The following PSMB11 variants were observed in gnomAD, a reference collection of about 807,000 sequenced individuals.
PSMB11 encodes the protein proteasome subunit beta 11.
For missense variants in PSMB11, 411 were observed against 408.2 expected (o/e 1.01, Z -0.06); for synonymous variants, 163 against 167.7 (o/e 0.97, Z 0.22).
At position 23,042,316 on chromosome 14, in the gene PSMB11, C is replaced by T. The variant is rs779537117; in HGVS notation, c.91C>T (p.Arg31Trp). 1.4e-5 allele frequency: 22 copies of T among 1,613,532 alleles called. No individual in the cohort carries two copies. Among genetic ancestry groups the T allele is most frequent in the African/African-American group, 5.3e-5 (4 of 74,916 alleles). Residue 31 changes from arginine to tryptophan, a missense_variant, in exon 1 of 1, where the codon CGG (arginine) becomes TGG (tryptophan). Coordinates refer to ENST00000408907, the MANE Select transcript of PSMB11 (RefSeq NM_001099780.2). ...LPRAGGWAVP[R>W]GCDPQTFLQI... ...TCGGGCTGGCGGCTGGGCTGTGCCC[C>T]GGGGTTGTGACCCTCAAACCTTCCT...
rs201918029 is a variant in PSMB11, at chr14:23,042,426, G to A, written c.201G>A (p.Thr67=). 447 of 1,613,988 alleles carry A rather than the reference G, an allele frequency of 2.8e-4. No individual in the cohort carries two copies. Among genetic ancestry groups the A allele is most frequent in the East Asian group, 1.6e-3 (72 of 44,882 alleles). The change falls in exon 1 of 1, where the codon ACG becomes ACA. Residue 67 remains threonine (T), a synonymous_variant. Transcript: ENST00000408907. The stretch of plus-strand genomic sequence containing the variant: ...ATGGAGTCATTGCTGCAGCTGACAC[G>A]CGTTCCTCCTGTGGCAGCTATGTGG... ...FRHGVIAAAD[T]RSSCGSYVAC... is the part of the protein sequence containing the mutation.
Position 23,042,776 on chromosome 14 carries a change from C to T in PSMB11, c.551C>T (p.Ala184Val). 1.2e-6 allele frequency: 2 copies of T among 1,613,062 alleles called. No individual in the cohort carries two copies. The highest frequency in any genetic ancestry group is 1.7e-6 in the Non-Finnish European group (2 of 1,179,992). ...TCTGTGGGCTCTGGATCTCCCTATG[C>T]CTACGGCGTGCTAGACCGTGGCTAT... ...IFSVGSGSPY[A>V]YGVLDRGYRY... The change falls in exon 1 of 1, where the codon GCC becomes GTC. Residue 184 changes from alanine (A) to valine (V), a missense_variant. Coordinates refer to ENST00000408907, the MANE Select transcript of PSMB11 (RefSeq NM_001099780.2).
Position 23,042,484 on chromosome 14 carries a change from C to G in PSMB11, c.259C>G (p.His87Asp). The change falls in exon 1 of 1, where the codon CAC becomes GAC. Residue 87 changes from histidine (H) to aspartate (D), a missense_variant. Physicochemically the swap from His to Asp is moderately conservative, Grantham distance 81. Coordinates refer to ENST00000408907, the MANE Select transcript of PSMB11 (RefSeq NM_001099780.2). ...AGCCTCATGCAAGGTCATCCCTGTG[C>G]ACCAGCACCTCCTGGGTACCACCTC... ...CPASCKVIPV[H>D]QHLLGTTSGT... 6.2e-7 allele frequency: 1 copy of G among 1,614,214 alleles called. No individual in the cohort carries two copies.
chr14:23,042,267 C>A lies in PSMB11; in HGVS notation c.42C>A (p.Thr14=). 6.2e-7 allele frequency: 1 copy of A among 1,605,796 alleles called. No homozygotes were observed. Among genetic ancestry groups the A allele is most frequent in the Non-Finnish European group, 8.5e-7 (1 of 1,175,776 alleles). ...TGTGCAAGTGGCAGTCCCCTGACAC[C>A]CAGGGACCATCACCTCACCTGCCTC... The part of the protein sequence containing the change: ...QDVCKWQSPD[T]QGPSPHLPRA... Residue 14 remains threonine (T), a synonymous_variant, in exon 1 of 1, where the codon ACC becomes ACA. Transcript: ENST00000408907.
In PSMB11 at chr14:23,043,164, G is replaced by A; in HGVS notation, c.*36G>A. On this transcript the variant is annotated 3_prime_UTR_variant, in exon 1 of 1. Coordinates refer to ENST00000408907, the MANE Select transcript of PSMB11 (RefSeq NM_001099780.2). ...TTGGTTGGGGATGGTGTAGGCCTGG[G>A]GAGTGGGTGGGAGGATGGGCAGCAG... is the stretch of plus-strand genomic sequence containing the variant. 6.8e-7 allele frequency: 1 copy of A among 1,471,362 alleles called. No homozygotes were observed. Among genetic ancestry groups the A allele is most frequent in the Non-Finnish European group, 9.2e-7 (1 of 1,081,960 alleles). The allele number at this position is 1,471,362 out of a possible 1,614,324, so 91.1% of individuals were successfully genotyped here.
At position 23,043,064 on chromosome 14, in the gene PSMB11, CTG is replaced by C. The variant is rs775803199; in HGVS notation, c.842_843del (p.Val281GlyfsTer17). On this transcript the variant is annotated frameshift_variant, in exon 1 of 1. Transcript: ENST00000408907. LOFTEE classifies it high-confidence loss of function. ...AGAGCTGCAGAAGATAGAGAGCTCT[CTG>C]TGGGGCCAGGGGAGGTGACACCAGG... is the stretch of plus-strand genomic sequence containing the variant. The C allele has an allele frequency of 3.1e-6, 5 of 1,613,678 alleles. No homozygotes were observed. In the South Asian group the frequency reaches 5.5e-5, roughly 18 times the overall value.
chr14:23,043,013 C>G lies in PSMB11; in HGVS notation c.788C>G (p.Ala263Gly). Residue 263 changes from alanine to glycine, a missense_variant, in exon 1 of 1, where the codon GCC (alanine) becomes GGC (glycine). Transcript: ENST00000408907. Reference protein sequence around the residue: ...EPEPEEDASHAHPEPATAHRA... With the variant: ...EPEPEEDASHGHPEPATAHRA... ...GAGCCAGAGGAGGATGCCAGCCATG[C>G]CCATCCTGAGCCTGCCACTGCCCAC... The G allele has an allele frequency of 6.2e-7, 1 of 1,613,904 alleles. No homozygotes were observed. The highest frequency in any genetic ancestry group is 8.5e-7 in the Non-Finnish European group (1 of 1,179,952).
In PSMB11 at chr14:23,042,365, C is replaced by T. The variant is rs1286821481; in HGVS notation, c.140C>T (p.Ala47Val). The T allele has an allele frequency of 4.3e-6, 7 of 1,613,612 alleles. No individual in the cohort carries two copies. Among genetic ancestry groups the T allele is most frequent in the South Asian group, 1.1e-5 (1 of 91,090 alleles). The change falls in exon 1 of 1, where the codon GCC becomes GTC. Residue 47 changes from alanine (A) to valine (V), a missense_variant. Coordinates refer to ENST00000408907, the MANE Select transcript of PSMB11 (RefSeq NM_001099780.2). ...CTGCAGATCCATGGCCCCAGACTGG[C>T]CCACGGCACCACCACTCTGGCCTTC... ...TFLQIHGPRL[A>V]HGTTTLAFRF...
rs757276150 is a variant in PSMB11 at position 23,042,368 on chromosome 14, A to T, written c.143A>T (p.His48Leu). ...FLQIHGPRLA[H>L]GTTTLAFRFR... ...CAGATCCATGGCCCCAGACTGGCCCACGGCACCACCACTCTGGCCTTCCGC... is the reference window on the plus strand; with the variant it reads ...CAGATCCATGGCCCCAGACTGGCCCTCGGCACCACCACTCTGGCCTTCCGC... The change falls in exon 1 of 1, where the codon CAC (histidine) becomes CTC (leucine). Residue 48 changes from histidine to leucine, a missense_variant. Coordinates refer to ENST00000408907, the MANE Select transcript of PSMB11 (RefSeq NM_001099780.2). 1 of 1,613,676 alleles carries T rather than the reference A, an allele frequency of 6.2e-7. No homozygotes were observed. The highest frequency in any genetic ancestry group is 1.1e-5 in the South Asian group (1 of 91,080).
rs754030636 is a variant in PSMB11, at chr14:23,042,826, G to C, written c.601G>C (p.Ala201Pro). Residue 201 changes from alanine (A) to proline (P), a missense_variant, in exon 1 of 1, where the codon GCC (alanine) becomes CCC (proline). Physicochemically the swap from Ala to Pro is conservative, Grantham distance 27. Coordinates refer to ENST00000408907, the MANE Select transcript of PSMB11 (RefSeq NM_001099780.2). ...TCGCTACGACATGAGCACCCAGGAA[G>C]CCTACGCCCTGGCTCGCTGCGCCGT... Reference protein sequence around the residue: ...GYRYDMSTQEAYALARCAVAH... With the variant: ...GYRYDMSTQEPYALARCAVAH... 1.2e-6 allele frequency: 2 copies of C among 1,613,160 alleles called. No individual in the cohort carries two copies. The highest frequency in any genetic ancestry group is 1.7e-6 in the Non-Finnish European group (2 of 1,180,024).
rs772218126 is a variant in PSMB11, at chr14:23,042,500, G to T, written c.275G>T (p.Gly92Val). 6.2e-7 allele frequency: 1 copy of T among 1,614,208 alleles called. No individual in the cohort carries two copies. The highest frequency in any genetic ancestry group is 8.5e-7 in the Non-Finnish European group (1 of 1,180,036). Residue 92 changes from glycine to valine, a missense_variant, in exon 1 of 1, where the codon GGT (glycine) becomes GTT (valine). Gly to Val is a moderately radical substitution (Grantham distance 109, BLOSUM62 -3). Transcript: ENST00000408907. ...KVIPVHQHLL[G>V]TTSGTSADCA... ...ATCCCTGTGCACCAGCACCTCCTGGGTACCACCTCTGGCACCTCTGCCGAC... is the reference window on the plus strand; with the variant it reads ...ATCCCTGTGCACCAGCACCTCCTGGTTACCACCTCTGGCACCTCTGCCGAC...
In PSMB11 at chr14:23,043,299, T is replaced by C; in HGVS notation, c.*171T>C. On this transcript the variant is annotated 3_prime_UTR_variant, in exon 1 of 1. Transcript: ENST00000408907. ...CCTTTCATGACTCCCAGAGCTATTA[T>C]GGCTCTGCCCAACAAGTTCCTATTG... 2 of 589,516 alleles carry C rather than the reference T, an allele frequency of 3.4e-6. No homozygotes were observed. The highest frequency in any genetic ancestry group is 6.1e-6 in the Non-Finnish European group (2 of 325,954). The allele number at this position is 589,516 out of a possible 1,614,324, so 36.5% of individuals were successfully genotyped here. A position where few individuals can be genotyped will look rare whatever the true frequency, so the allele number is the denominator to read the frequency against.
chr14:23,042,761 C>T lies in PSMB11; in HGVS notation c.536C>T (p.Ser179Phe). The change falls in exon 1 of 1, where the codon TCT (serine) becomes TTT (phenylalanine). Residue 179 changes from serine (S) to phenylalanine (F), a missense_variant. Coordinates refer to ENST00000408907, the MANE Select transcript of PSMB11 (RefSeq NM_001099780.2). ...RLQGDIFSVGSGSPYAYGVLD... is the reference protein window; with the variant it reads ...RLQGDIFSVGFGSPYAYGVLD... Reference sequence around the variant, plus strand: ...CAGGGGGACATCTTCTCTGTGGGCTCTGGATCTCCCTATGCCTACGGCGTG... The same window carrying T: ...CAGGGGGACATCTTCTCTGTGGGCTTTGGATCTCCCTATGCCTACGGCGTG... 1 of 1,613,214 alleles carries T rather than the reference C, an allele frequency of 6.2e-7. No homozygotes were observed. Among genetic ancestry groups the T allele is most frequent in the Non-Finnish European group, 8.5e-7 (1 of 1,179,974 alleles).
rs1302101400 is a variant in PSMB11 at position 23,042,454 on chromosome 14, T to C, written c.229T>C (p.Cys77Arg). The C allele has an allele frequency of 1.9e-6, 3 of 1,613,968 alleles. No homozygotes were observed. Among genetic ancestry groups the C allele is most frequent in the Non-Finnish European group, 2.5e-6 (3 of 1,180,036 alleles). The part of the protein sequence containing the change: ...TRSSCGSYVA[C>R]PASCKVIPVH... The stretch of plus-strand genomic sequence containing the variant: ...TTCCTCCTGTGGCAGCTATGTGGCG[T>C]GTCCAGCCTCATGCAAGGTCATCCC... Residue 77 changes from cysteine (C) to arginine (R), a missense_variant, in exon 1 of 1, where the codon TGT becomes CGT. By Grantham distance (180) the Cys-to-Arg change is radical. Coordinates refer to ENST00000408907, the MANE Select transcript of PSMB11 (RefSeq NM_001099780.2).
rs1460476569 is a variant in PSMB11, at chr14:23,042,762, T to C, written c.537T>C (p.Ser179=). ...RLQGDIFSVG[S]GSPYAYGVLD... is the part of the protein sequence containing the mutation. ...AGGGGGACATCTTCTCTGTGGGCTCTGGATCTCCCTATGCCTACGGCGTGC... is the reference window on the plus strand; with the variant it reads ...AGGGGGACATCTTCTCTGTGGGCTCCGGATCTCCCTATGCCTACGGCGTGC... The change falls in exon 1 of 1, where the codon TCT becomes TCC. Residue 179 remains serine (S), a synonymous_variant. Transcript: ENST00000408907. 1.9e-6 allele frequency: 3 copies of C among 1,612,964 alleles called. No individual in the cohort carries two copies. The highest frequency in any genetic ancestry group is 1.1e-5 in the South Asian group (1 of 91,092).
In PSMB11 at chr14:23,042,310, G is replaced by A; in HGVS notation, c.85G>A (p.Val29Met). 2 of 1,613,518 alleles carry A rather than the reference G, an allele frequency of 1.2e-6. No individual in the cohort carries two copies. Among genetic ancestry groups the A allele is most frequent in the South Asian group, 1.1e-5 (1 of 91,064 alleles). The change falls in exon 1 of 1, where the codon GTG becomes ATG. Residue 29 changes from valine to methionine, a missense_variant. Coordinates refer to ENST00000408907, the MANE Select transcript of PSMB11 (RefSeq NM_001099780.2). ...PHLPRAGGWA[V>M]PRGCDPQTFL... is the part of the protein sequence containing the mutation. The stretch of plus-strand genomic sequence containing the variant: ...CCTGCCTCGGGCTGGCGGCTGGGCT[G>A]TGCCCCGGGGTTGTGACCCTCAAAC...
rs898191282 is a variant in PSMB11 at position 23,043,467 on chromosome 14, C to T, written c.*339C>T. On this transcript the variant is annotated 3_prime_UTR_variant, in exon 1 of 1. Coordinates refer to ENST00000408907, the MANE Select transcript of PSMB11 (RefSeq NM_001099780.2). Reference sequence around the variant, plus strand: ...CATCTTCTCTGCTTTTTTCCATCATCTCATCCCCAGTTTCTCTTAGTTTCG... The same window carrying T: ...CATCTTCTCTGCTTTTTTCCATCATTTCATCCCCAGTTTCTCTTAGTTTCG... The T allele has an allele frequency of 4.7e-5, 11 of 235,820 alleles. No individual in the cohort carries two copies. Among genetic ancestry groups the T allele is most frequent in the African/African-American group, 2.0e-4 (9 of 43,972 alleles). 14.6% of individuals were successfully genotyped at this position (235,820 alleles called of 1,614,324 possible).
At position 23,042,334 on chromosome 14, in the gene PSMB11, A is replaced by T; in HGVS notation, c.109A>T (p.Thr37Ser). Residue 37 changes from threonine (T) to serine (S), a missense_variant, in exon 1 of 1, where the codon ACC becomes TCC. By Grantham distance (58) the Thr-to-Ser change is moderately conservative. Coordinates refer to ENST00000408907, the MANE Select transcript of PSMB11 (RefSeq NM_001099780.2). ...WAVPRGCDPQ[T>S]FLQIHGPRLA... The stretch of plus-strand genomic sequence containing the variant: ...TGTGCCCCGGGGTTGTGACCCTCAA[A>T]CCTTCCTGCAGATCCATGGCCCCAG... 1 of 1,613,504 alleles carries T rather than the reference A, an allele frequency of 6.2e-7. No homozygotes were observed.
Position 23,042,718 on chromosome 14 carries a change from A to G in PSMB11, c.493A>G (p.Ser165Gly), listed in dbSNP as rs2047020213. The G allele has an allele frequency of 6.2e-7, 1 of 1,612,924 alleles. No homozygotes were observed. The highest frequency in any genetic ancestry group is 2.2e-5 in the East Asian group (1 of 44,850). ...RSGPELFYVY[S>G]DGTRLQGDIF... ...TGGCCCTGAGCTCTTCTACGTCTAT[A>G]GCGACGGCACCCGCCTGCAGGGGGA... Residue 165 changes from serine (S) to glycine (G), a missense_variant, in exon 1 of 1, where the codon AGC becomes GGC. By Grantham distance (56) the Ser-to-Gly change is moderately conservative. Coordinates refer to ENST00000408907, the MANE Select transcript of PSMB11 (RefSeq NM_001099780.2).
Sources: gnomAD v4.1 joint callset for allele counts on GRCh38, gnomAD v4.1.1 for gene constraint, MANE v1.5 for transcripts, NCBI Gene and HGNC (gene_info 2026-07-23, HGNC 2026-07-21) for gene names.